Variants in REC114 observed in about 807,000 individuals in gnomAD.
REC114 encodes the protein REC114 meiotic recombination protein.
REC114 carries 27 observed loss-of-function variants against 31.3 expected under a neutral mutation model. That is an observed-to-expected ratio of 0.86 (90% CI 0.64 to 1.19). The LOEUF (loss-of-function observed/expected upper bound fraction) is 1.19, where lower values mean the gene tolerates loss of function less well. Among genes scored for constraint, REC114 ranks in the 50% most tolerant of loss-of-function variants. The pLI is 0.00. For synonymous variants in REC114, 134 were observed against 127.7 expected, an observed-to-expected ratio of 1.05 and a Z score of -0.33; for missense variants, 344 against 326.9, an observed-to-expected ratio of 1.05 and a Z score of -0.40.
rs747599355 is a variant in REC114 at position 73,550,925 on chromosome 15, AT to A, written c.334-10del. On this transcript the variant is annotated splice_polypyrimidine_tract_variant and intron_variant, in intron 3 of 5. Coordinates refer to ENST00000331090, the MANE Select transcript of REC114 (RefSeq NM_001042367.2). ...TGAGGGTCTCTCATGATAACTTTTG[AT>A]TTGTCAAACAGGACAAGAGTCGCCT... is the stretch of plus-strand genomic sequence containing the variant. 1.2e-6 allele frequency: 2 copies of A among 1,613,380 alleles called. No individual in the cohort carries two copies. The highest frequency in any genetic ancestry group is 3.3e-5 in the Admixed American group (2 of 60,004).
intron 2 of REC114, among the ~76,000 whole-genome samples, chr15:73,500,915 C>G (rs188469358): frequency 6.6e-6 from 1 of 152,088 alleles, no homozygotes; most frequent in South Asian, 2.1e-4. Context: ...TATGGACCAG[C>G]CTGTGATGGG....
At chr15:73,507,028 A>G (rs1472395925) in intron 2 of REC114, among the ~76,000 whole-genome samples, 3 of 152,196 alleles carry the variant, frequency 2.0e-5, no homozygotes, top group Non-Finnish European at 4.4e-5. Flanking sequence ...TTGCTACATA[A>G]AAAAATTCAA....
intron 2 of REC114, among the ~76,000 whole-genome samples, chr15:73,481,938 C>T (rs916810701): frequency 3.3e-5 from 5 of 152,012 alleles, no homozygotes; most frequent in African/African-American, 1.2e-4. Flanking sequence ...GGATTACAGG[C>T]GTGAGCCACT....
rs577334670 is a variant in REC114, at chr15:73,496,942, T to A, written c.249+23021T>A. Among the ~76,000 whole-genome samples the A allele has an allele frequency of 5.3e-5, 8 of 152,110 alleles. No homozygotes were observed. The East Asian group carries it at 1.5e-3, about 29-fold the overall frequency. ...CCTCAGTCTTTATTTTTTTTTTTTT[T>A]TAATAACTTTGACACTTTTGAAGAG... On this transcript the variant is annotated intron_variant, in intron 2 of 5. Transcript: ENST00000331090.
At chr15:73,471,205 C>A (rs887050486) in intron 1 of REC114, among the ~76,000 whole-genome samples, 1 of 151,966 alleles carries the variant, frequency 6.6e-6, no homozygotes, top group African/African-American at 2.4e-5. Flanking sequence ...TTATAATAAT[C>A]CAACTAGAGA....
intron 5 of REC114, among the ~76,000 whole-genome samples, chr15:73,557,942 A>G (rs934038135): frequency 6.6e-6 from 1 of 152,260 alleles, no homozygotes; most frequent in African/African-American, 2.4e-5. Context: ...ACAAATATAC[A>G]TATGTTCATC....
intron 2 of REC114, among the ~76,000 whole-genome samples, chr15:73,523,648 T>A (rs1328092219): frequency 6.6e-6 from 1 of 152,248 alleles, no homozygotes; most frequent in Non-Finnish European, 1.5e-5. Flanking sequence ...AATCTGTGGC[T>A]TGCTTTTTCA....
chr15:73,494,797 T>A (rs898830525), intron 2 of REC114, among the ~76,000 whole-genome samples: 1 of 152,196 alleles, frequency 6.6e-6, no homozygotes, highest in Non-Finnish European at 1.5e-5. Context: ...GACACTCTAA[T>A]TGGGTAGCTA....
chr15:73,519,917 G>C (rs1453661214), intron 2 of REC114, among the ~76,000 whole-genome samples: 1 of 152,176 alleles, frequency 6.6e-6, no homozygotes, highest in Admixed American at 6.5e-5. Flanking sequence ...GATGTCTAAA[G>C]TAGCGAAACT....
At chr15:73,473,948 A>G in intron 2 of REC114, 27 bp downstream of exon 2, 5 of 1,337,870 alleles carry the variant, frequency 3.7e-6, no homozygotes, top group Non-Finnish European at 5.2e-6. Flanking sequence ...ACAGTTTAAT[A>G]TGGAAATACA....
chr15:73,465,266 G>A (rs963558098), intron 1 of REC114, among the ~76,000 whole-genome samples: 5 of 152,166 alleles, frequency 3.3e-5, no homozygotes, highest in African/African-American at 1.2e-4. Context: ...AAGACTTCAG[G>A]GATGCAATGA....
chr15:73,462,052 C>A (rs1338083725), intron 1 of REC114, among the ~76,000 whole-genome samples: 2 of 150,914 alleles, frequency 1.3e-5, no homozygotes, highest in African/African-American at 4.9e-5. Flanking sequence ...CTGCCTCGGC[C>A]TCCTTAGTAG....
At chr15:73,480,734 G>A (rs1383712943) in intron 2 of REC114, among the ~76,000 whole-genome samples, 1 of 152,200 alleles carries the variant, frequency 6.6e-6, no homozygotes, top group South Asian at 2.1e-4. Flanking sequence ...CTGGGATGCA[G>A]TGGTATGATC....
chr15:73,470,531 C>T (rs1360503499), intron 1 of REC114, among the ~76,000 whole-genome samples: 2 of 152,098 alleles, frequency 1.3e-5, no homozygotes, highest in African/African-American at 2.4e-5. Context: ...TTCTTATTTA[C>T]TTAACCATCC....
intron 1 of REC114, among the ~76,000 whole-genome samples, chr15:73,468,852 T>G (rs35538624): frequency 1.3e-5 from 2 of 152,132 alleles, no homozygotes; most frequent in Admixed American, 6.5e-5. Context: ...GTTAACATGG[T>G]GAATAACTTT....
chr15:73,543,479 G>A (rs1026271852), intron 3 of REC114, among the ~76,000 whole-genome samples: 1 of 151,986 alleles, frequency 6.6e-6, no homozygotes, highest in African/African-American at 2.4e-5. Context: ...ACAGGCATGC[G>A]CTACCACACC....
chr15:73,493,908 AT>A (rs1396725853), intron 2 of REC114, among the ~76,000 whole-genome samples: 2 of 152,166 alleles, frequency 1.3e-5, no homozygotes, highest in Non-Finnish European at 2.9e-5. Context: ...GTTATTTCAG[AT>A]GATCTTGATT....
intron 2 of REC114, among the ~76,000 whole-genome samples, chr15:73,533,534 A>G (rs1221419364): frequency 1.6e-4 from 24 of 151,826 alleles, no homozygotes; most frequent in Non-Finnish European, 2.1e-4. Flanking sequence ...CAGATTGATA[A>G]AGCAAGTCCT....
At chr15:73,455,300 T>TA (rs1280836423) in intron 1 of REC114, among the ~76,000 whole-genome samples, 2 of 152,186 alleles carry the variant, frequency 1.3e-5, no homozygotes, top group African/African-American at 4.8e-5. Flanking sequence ...AGGTAAAGCA[T>TA]AAAAATATAT....
Sources: allele counts gnomAD v4.1 joint callset (sites outside exome capture counted in the v4.1 genomes callset), GRCh38; gene constraint gnomAD v4.1.1; transcripts MANE v1.5; gene names NCBI Gene and HGNC (gene_info 2026-07-23, HGNC 2026-07-21).